PACS2: variants seen among roughly 807,000 people sequenced by gnomAD.
The protein encoded by PACS2 is phosphofurin acidic cluster sorting protein 2.
A neutral mutation model predicts 113.0 loss-of-function variants in PACS2; 36 were observed. That is an observed-to-expected ratio of 0.32 (90% CI 0.24 to 0.42). PACS2 has a LOEUF of 0.42. Among genes scored for constraint, PACS2 ranks in the 10% least tolerant of loss-of-function variants. The pLI is 1.00. For synonymous variants in PACS2, 589 were observed against 536.1 expected (o/e 1.10, Z -1.36); for missense variants, 1,015 against 1,239.5 (o/e 0.82, Z 2.72).
intron 1 of PACS2, among the ~76,000 whole-genome samples, chr14:105,331,481 A>C (rs1000873262): frequency 3.3e-5 from 5 of 152,118 alleles, no homozygotes; most frequent in Non-Finnish European, 5.9e-5. Flanking sequence ...CAGTGGCATG[A>C]TCATAGCTCC....
rs879950452 is a variant in PACS2 at position 105,354,835 on chromosome 14, G to A, written c.298-217G>A. ...GAGCCCTCAGGGCCTGAGCTCTGGC[G>A]ACTGGCTCACTCTTGATTGTGTTGG... On this transcript the variant is annotated intron_variant, in intron 3 of 24. Coordinates refer to ENST00000447393, the MANE Select transcript of PACS2 (RefSeq NM_001100913.3). This position sits in a 1 kb window ranked among gnomAD's most constrained non-coding sequence, Gnocchi z 4.2. Among the ~76,000 whole-genome samples the A allele has an allele frequency of 5.3e-5, 8 of 152,238 alleles. No individual in the cohort carries two copies. Among genetic ancestry groups the A allele is most frequent in the Non-Finnish European group, 7.3e-5 (5 of 68,046 alleles).
At chr14:105,326,163 A>C (rs1007716035) in intron 1 of PACS2, among the ~76,000 whole-genome samples, 2 of 152,332 alleles carry the variant, frequency 1.3e-5, no homozygotes, top group African/African-American at 4.8e-5. Flanking sequence ...AGGTGTCTCC[A>C]GGGCCGCCTC....
At chr14:105,385,741 C>A in intron 19 of PACS2, 24 bp downstream of exon 19, 1 of 1,459,042 alleles carries the variant, frequency 6.9e-7, no homozygotes, top group Non-Finnish European at 9.1e-7. Flanking sequence ...GGTCTGCCTC[C>A]CACCCTGTCT....
At chr14:105,320,218 C>T (rs1048248550) in intron 1 of PACS2, among the ~76,000 whole-genome samples, 1 of 152,108 alleles carries the variant, frequency 6.6e-6, no homozygotes, top group Admixed American at 6.6e-5. Context: ...CCTTGTTATC[C>T]GTCCACCTCA....
At chr14:105,393,391 A>G in intron 24 of PACS2, 56 bp downstream of exon 24, 5 of 1,251,364 alleles carry the variant, frequency 4.0e-6, no homozygotes, top group South Asian at 1.2e-5. Flanking sequence ...GAGCACAGCA[A>G]GGCTGCTTTG....
intron 1 of PACS2, among the ~76,000 whole-genome samples, chr14:105,319,629 G>C (rs1313450340): frequency 1.3e-5 from 2 of 152,250 alleles, no homozygotes; most frequent in East Asian, 1.9e-4. Flanking sequence ...TTTTGCAAAA[G>C]ACAAAGTTGT....
chr14:105,376,378 G>A lies in PACS2; in HGVS notation c.802-390G>A, dbSNP rs145998374. Among the ~76,000 whole-genome samples the A allele has an allele frequency of 1.8e-3, 280 of 152,172 alleles. 2 individuals carry two copies. The highest frequency in any genetic ancestry group is 0.013 in the South Asian group (65 of 4,816). The stretch of plus-strand genomic sequence containing the variant: ...ATTCGCAGGGCCTGGGGCTGAGGGA[G>A]GGGACGCACTAGAGGAAGGCAAAGG... On this transcript the variant is annotated intron_variant, in intron 8 of 24. Coordinates refer to ENST00000447393, the MANE Select transcript of PACS2 (RefSeq NM_001100913.3). The surrounding 1 kb of genome is among the most constrained non-coding windows in gnomAD (Gnocchi z 4.7).
rs376690008 is a variant in PACS2 at position 105,381,910 on chromosome 14, A to G, written c.1269-4A>G. On this transcript the variant is annotated splice_polypyrimidine_tract_variant and splice_region_variant and intron_variant, in intron 12 of 24. Coordinates refer to ENST00000447393, the MANE Select transcript of PACS2 (RefSeq NM_001100913.3). ...GCCACTTAGCCTGTCCTGGTCCCCA[A>G]TAGGTCCGAGGGGAAGCAGGCTGGC... The G allele has an allele frequency of 4.8e-5, 75 of 1,550,456 alleles. No homozygotes were observed. Among genetic ancestry groups the G allele is most frequent in the Admixed American group, 2.0e-4 (10 of 50,984 alleles).
intron 1 of PACS2, among the ~76,000 whole-genome samples, chr14:105,319,756 G>A (rs2058818650): frequency 6.6e-6 from 1 of 152,260 alleles, no homozygotes; most frequent in East Asian, 1.9e-4. Context: ...TTGACCTTAA[G>A]GAAGGTTTCC....
At chr14:105,314,309 G>A (rs2058451351), upstream of PACS2, 1 of 152,102 alleles carries the variant, frequency 6.6e-6, no homozygotes, top group Non-Finnish European at 1.5e-5. Flanking sequence ...GCGGGGTGGA[G>A]GCGGGAAAGT....
rs782032420 is a variant in PACS2 at position 105,348,834 on chromosome 14, C to T, written c.207+254C>T. 5 of 447,358 alleles carry T rather than the reference C, an allele frequency of 1.1e-5. No individual in the cohort carries two copies. The highest frequency in any genetic ancestry group is 2.0e-5 in the Non-Finnish European group (5 of 244,520). 27.7% of individuals were successfully genotyped at this position (447,358 alleles called of 1,614,324 possible). On this transcript the variant is annotated intron_variant, in intron 2 of 24. Transcript: ENST00000447393. This position sits in a 1 kb window ranked among gnomAD's most constrained non-coding sequence, Gnocchi z 6.4. ...ATGGGGCCTTCCCAGGGCAGAGCTGCCCTCGAGTCACCTCACAGTGATGGA... is the reference window on the plus strand; with the variant it reads ...ATGGGGCCTTCCCAGGGCAGAGCTGTCCTCGAGTCACCTCACAGTGATGGA...
intron 1 of PACS2, among the ~76,000 whole-genome samples, chr14:105,342,130 G>A (rs77434502): frequency 0.015 from 2,298 of 152,298 alleles, 59 homozygotes; most frequent in African/African-American, 0.05. Flanking sequence ...AATGCCTCTT[G>A]TGGGTTTGCA....
At chr14:105,300,898 C>G (rs1186303106) in exon 1 of PACS2, 1 of 162,080 alleles carries the variant, frequency 6.2e-6, no homozygotes, top group Non-Finnish European at 1.3e-5. Context: ...TGCGAGCGAG[C>G]TGGCCTCCCT....
chr14:105,321,924 A>G (rs1220259712), intron 1 of PACS2, among the ~76,000 whole-genome samples: 1 of 146,490 alleles, frequency 6.8e-6, no homozygotes, highest in South Asian at 2.1e-4. Context: ...TTTCATTTTC[A>G]TTCACTCTGA....
chr14:105,309,926 C>T (rs972055482), upstream of PACS2, among the ~76,000 whole-genome samples: 1 of 151,692 alleles, frequency 6.6e-6, no homozygotes, highest in Non-Finnish European at 1.5e-5. This position sits in a 1 kb window ranked among gnomAD's most constrained non-coding sequence, Gnocchi z 4.0. Flanking sequence ...GCTGGGACTA[C>T]AGGCGCCCGC....
intron 1 of PACS2, among the ~76,000 whole-genome samples, chr14:105,318,722 T>C (rs2058763992): frequency 1.3e-5 from 2 of 150,460 alleles, no homozygotes; most frequent in Non-Finnish European, 3.0e-5. Context: ...GCAGTGGTGC[T>C]GTCTCGGCTC....
At chr14:105,360,132 TCA>T (rs1444204471) in intron 4 of PACS2, among the ~76,000 whole-genome samples, 29 of 152,304 alleles carry the variant, frequency 1.9e-4, no homozygotes, top group African/African-American at 6.7e-4. Flanking sequence ...ATAAAGTGAG[TCA>T]CACAAATTTC....
chr14:105,361,461 A>G (rs1305996856), intron 4 of PACS2, among the ~76,000 whole-genome samples: 1 of 152,110 alleles, frequency 6.6e-6, no homozygotes, highest in Non-Finnish European at 1.5e-5. Flanking sequence ...ACATGGTGAA[A>G]CCTTGTCTCT....
At chr14:105,364,378 C>T (rs1187762168) in intron 4 of PACS2, among the ~76,000 whole-genome samples, 2 of 113,186 alleles carry the variant, frequency 1.8e-5, no homozygotes, top group East Asian at 2.7e-4. Flanking sequence ...GTGGGCGTCC[C>T]GGGTGCGCGG....
Sources: gnomAD v4.1 joint callset for allele counts (sites outside exome capture counted in the v4.1 genomes callset) on GRCh38, gnomAD v4.1.1 for gene constraint, Gnocchi (gnomAD v3.1) non-coding constraint, MANE v1.5 for transcripts, NCBI Gene and HGNC (gene_info 2026-07-23, HGNC 2026-07-21) for gene names.